WWC1: variants seen among roughly 807,000 people sequenced by gnomAD.
The protein encoded by WWC1 is WW and C2 domain containing 1, also known as protein KIBRA.
WWC1 carries 55 observed loss-of-function variants against 138.4 expected under a neutral mutation model. The ratio of observed to expected loss-of-function variants is 0.40; its 90% CI spans 0.32 to 0.50. The LOEUF is 0.50. Among genes scored for constraint, WWC1 ranks in the 20% least tolerant of loss-of-function variants. The pLI is 0.72. For missense variants in WWC1, 1,226 were observed against 1,420.4 expected (o/e 0.86, Z 2.20); for synonymous variants, 524 against 564.9 (o/e 0.93, Z 1.03).
At chr5:168,365,639 G>A (rs906694398) in intron 1 of WWC1, among the ~76,000 whole-genome samples, 1 of 152,154 alleles carries the variant, frequency 6.6e-6, no homozygotes, top group East Asian at 1.9e-4. Context: ...CTGAGAGGAG[G>A]GTAAGGGAGG....
At chr5:168,374,543 A>C (rs1384908146) in intron 2 of WWC1, among the ~76,000 whole-genome samples, 2 of 152,188 alleles carry the variant, frequency 1.3e-5, no homozygotes, top group East Asian at 1.9e-4. Flanking sequence ...GCAAGTGTGC[A>C]TATAACATAA....
chr5:168,327,274 C>G (rs1180351195), intron 1 of WWC1, among the ~76,000 whole-genome samples: 1 of 152,162 alleles, frequency 6.6e-6, no homozygotes, highest in East Asian at 1.9e-4. Context: ...TTCCCTCATT[C>G]TTTCATTTAC....
intron 13 of WWC1, among the ~76,000 whole-genome samples, chr5:168,429,133 C>T (rs1421833977): frequency 1.3e-5 from 2 of 152,304 alleles, no homozygotes; most frequent in East Asian, 1.9e-4. Context: ...TTTGTCTTTC[C>T]ATCCCATCTA....
At chr5:168,347,067 G>A (rs1774539035) in intron 1 of WWC1, among the ~76,000 whole-genome samples, 1 of 152,104 alleles carries the variant, frequency 6.6e-6, no homozygotes, top group Non-Finnish European at 1.5e-5. Flanking sequence ...TGTGACACTG[G>A]GCTCACACTC....
Position 168,431,267 on chromosome 5 carries a change from T to C in WWC1, c.2103T>C (p.Ala701=), listed in dbSNP as rs200642935. The part of the protein sequence containing the change: ...QQDQKVNIRV[A]VLPCSESTTC... ...CTCCCTCTAGGAATATCCGCGTGGCTGTCCTTCCTTGCTCTGAAAGCACAA... is the reference window on the plus strand; with the variant it reads ...CTCCCTCTAGGAATATCCGCGTGGCCGTCCTTCCTTGCTCTGAAAGCACAA... Residue 701 remains alanine, a synonymous_variant, in exon 15 of 23, where the codon GCT becomes GCC. Transcript: ENST00000265293. 6.2e-7 allele frequency: 1 copy of C among 1,613,502 alleles called. No homozygotes were observed. The highest frequency in any genetic ancestry group is 2.2e-5 in the East Asian group (1 of 44,870).
At position 168,470,269 on chromosome 5, in the gene WWC1, C is replaced by G. The variant is rs924147735; in HGVS notation, c.*1252C>G. ...TCTCAAAGTCTGTTGCACCACTCAG[C>G]AAAGCAAGTTGCACCAGCTATATCA... On this transcript the variant is annotated 3_prime_UTR_variant, in exon 23 of 23. Transcript: ENST00000265293. The G allele has an allele frequency of 3.3e-5, 5 of 152,252 alleles. No individual in the cohort carries two copies. The highest frequency in any genetic ancestry group is 4.4e-5 in the Non-Finnish European group (3 of 68,058). 9.4% of individuals were successfully genotyped at this position (152,252 alleles called of 1,614,324 possible). A position where few individuals can be genotyped will look rare whatever the true frequency, so the allele number is the denominator to read the frequency against.
chr5:168,467,934 GTAAGGAAC>G lies in WWC1; in HGVS notation c.3246_3253del (p.Lys1083ProfsTer27). On this transcript the variant is annotated frameshift_variant, in exon 22 of 23. Coordinates refer to ENST00000265293, the MANE Select transcript of WWC1 (RefSeq NM_015238.3). LOFTEE classifies it high-confidence loss of function. ...GTGCACAGGCTCCGAGGCCAGAGCT[GTAAGGAAC>G]CCCCAGAAGTTCAGTCTTTCAGGTA... 1.2e-6 allele frequency: 2 copies of G among 1,614,248 alleles called. No individual in the cohort carries two copies. Among genetic ancestry groups the G allele is most frequent in the Non-Finnish European group, 1.7e-6 (2 of 1,180,036 alleles).
At chr5:168,300,226 A>G (rs1769939872) in intron 1 of WWC1, among the ~76,000 whole-genome samples, 1 of 152,178 alleles carries the variant, frequency 6.6e-6, no homozygotes. Context: ...ATACAGTGAC[A>G]TTTTGTTATT....
At chr5:168,360,077 A>G (rs368105998) in intron 1 of WWC1, among the ~76,000 whole-genome samples, 2 of 152,188 alleles carry the variant, frequency 1.3e-5, no homozygotes, top group East Asian at 1.9e-4. Flanking sequence ...GAATTCCTCA[A>G]TGTCTTGTCT....
At chr5:168,327,736 T>G (rs895902484) in intron 1 of WWC1, among the ~76,000 whole-genome samples, 21 of 152,330 alleles carry the variant, frequency 1.4e-4, no homozygotes, top group African/African-American at 5.1e-4. Context: ...TTGTAGATAT[T>G]CCCTTAACAA....
intron 9 of WWC1, among the ~76,000 whole-genome samples, chr5:168,417,498 G>C (rs1373955722): frequency 1.3e-5 from 2 of 152,064 alleles, no homozygotes; most frequent in East Asian, 3.9e-4. Flanking sequence ...TTTTAAAAAT[G>C]AGGAAACTGA....
intron 1 of WWC1, among the ~76,000 whole-genome samples, chr5:168,349,681 C>T (rs578199818): frequency 2.0e-5 from 3 of 152,238 alleles, no homozygotes; most frequent in African/African-American, 4.8e-5. Flanking sequence ...CTTCTTTCTC[C>T]GTCATTTGAC....
chr5:168,455,360 A>G lies in WWC1; in HGVS notation c.2663A>G (p.Asp888Gly). 6.4e-7 allele frequency: 1 copy of G among 1,569,556 alleles called. No homozygotes were observed. The highest frequency in any genetic ancestry group is 8.6e-7 in the Non-Finnish European group (1 of 1,161,860). Residue 888 changes from aspartate (D) to glycine (G), a missense_variant, in exon 19 of 23, where the codon GAC becomes GGC. This residue lies in a region of WWC1 where 1,016 missense variants were observed against 1,153.9 expected (regional missense o/e 0.88). Coordinates refer to ENST00000265293, the MANE Select transcript of WWC1 (RefSeq NM_015238.3). ...DMDGYPALKV[D>G]KETNTETPAP... is the part of the protein sequence containing the mutation. ...AAGGTGTGACTTCTTCCTCAGGTGG[A>G]CAAAGAGACCAACACGGAGACCCCG...
At chr5:168,410,180 C>G (rs984003747) in intron 8 of WWC1, 185 bp downstream of exon 8, 4 of 631,476 alleles carry the variant, frequency 6.3e-6, no homozygotes, top group African/African-American at 1.8e-5. Flanking sequence ...ATGACTCACC[C>G]AGGACACTTC....
Position 168,350,654 on chromosome 5 carries a change from C to T in WWC1, c.120-20770C>T, listed in dbSNP as rs375160849. Among the ~76,000 whole-genome samples, 3 of 152,314 alleles carry T rather than the reference C, an allele frequency of 2.0e-5. No homozygotes were observed. The East Asian group carries it at 5.8e-4, about 29-fold the overall frequency. The stretch of plus-strand genomic sequence containing the variant: ...CAAGGGCAGGACAGGAGGAAAAGGA[C>T]GTGGAAGAAAGCCTATTGTTATCAT... On this transcript the variant is annotated intron_variant, in intron 1 of 22. Coordinates refer to ENST00000265293, the MANE Select transcript of WWC1 (RefSeq NM_015238.3).
intron 1 of WWC1, among the ~76,000 whole-genome samples, chr5:168,367,278 G>T (rs1034923589): frequency 1.3e-5 from 2 of 152,112 alleles, no homozygotes; most frequent in African/African-American, 4.8e-5. Context: ...AGCACAGCTT[G>T]CTCTGTGTTC....
At chr5:168,294,954 CTG>C (rs1422348453) in intron 1 of WWC1, among the ~76,000 whole-genome samples, 1 of 152,172 alleles carries the variant, frequency 6.6e-6, no homozygotes, top group Non-Finnish European at 1.5e-5. Flanking sequence ...AACTTCATCT[CTG>C]TACCTCCTTG....
chr5:168,305,423 G>A (rs147675331), intron 1 of WWC1, among the ~76,000 whole-genome samples: 114 of 152,228 alleles, frequency 7.5e-4, no homozygotes, highest in African/African-American at 2.6e-3. Flanking sequence ...CACCTCCCCA[G>A]CCCAGGCTCC....
chr5:168,356,272 C>T (rs997107012), intron 1 of WWC1, among the ~76,000 whole-genome samples: 2 of 152,258 alleles, frequency 1.3e-5, no homozygotes, highest in Non-Finnish European at 2.9e-5. Flanking sequence ...AAGGAATGCA[C>T]ACTTCTTGAG....
Sources: gnomAD v4.1 joint callset for allele counts (sites outside exome capture counted in the v4.1 genomes callset) on GRCh38, gnomAD v4.1.1 for gene constraint, gnomAD v4.1.1 regional missense constraint, MANE v1.5 for transcripts, NCBI Gene and HGNC (gene_info 2026-07-23, HGNC 2026-07-21) for gene names.